EBF1: variants seen among roughly 807,000 people sequenced by gnomAD.
The protein encoded by EBF1 is EBF transcription factor 1, also known as transcription factor COE1.
In EBF1, 10 loss-of-function variants were observed where a neutral mutation model predicts 68.4. The observed-to-expected ratio is 0.15, with a 90% CI of 0.09 to 0.25. The LOEUF is 0.25. Among genes scored for constraint, EBF1 ranks in the 10% least tolerant of loss-of-function variants. The probability of loss-of-function intolerance (pLI) is 1.00; values close to 1 mark genes in which losing one functional copy is unlikely to be tolerated. For synonymous variants in EBF1, 298 were observed against 299.8 expected (o/e 0.99, Z 0.06); for missense variants, 509 against 794.4 (o/e 0.64, Z 4.32).
chr5:158,890,692 CCTG>C (rs1801001771), intron 6 of EBF1, among the ~76,000 whole-genome samples: 1 of 152,218 alleles, frequency 6.6e-6, no homozygotes. Context: ...CCCCCGCCAC[CCTG>C]CTGCTAAGCC....
At chr5:159,089,827 A>T (rs895138691) in intron 4 of EBF1, among the ~76,000 whole-genome samples, 3 of 151,882 alleles carry the variant, frequency 2.0e-5, no homozygotes, top group African/African-American at 7.2e-5. Flanking sequence ...AAAGAAAGAA[A>T]GAAGAAAAGA....
At chr5:158,815,775 C>T (rs1162272827) in intron 8 of EBF1, among the ~76,000 whole-genome samples, 1 of 152,198 alleles carries the variant, frequency 6.6e-6, no homozygotes, top group African/African-American at 2.4e-5. Flanking sequence ...TTATGAATTA[C>T]TCAGGGAATA....
At chr5:158,974,682 T>A (rs1756367273) in intron 6 of EBF1, among the ~76,000 whole-genome samples, 1 of 152,316 alleles carries the variant, frequency 6.6e-6, no homozygotes, top group East Asian at 1.9e-4. Context: ...AAATGAAAAC[T>A]ATTTACCCAA....
chr5:158,701,437 T>G (rs1282724017), intron 15 of EBF1, among the ~76,000 whole-genome samples: 2 of 152,144 alleles, frequency 1.3e-5, no homozygotes, highest in Admixed American at 6.5e-5. Context: ...AGCCTCCACT[T>G]AGGGCCACAT....
At chr5:158,787,487 T>C (rs192419808) in intron 9 of EBF1, among the ~76,000 whole-genome samples, 84 of 152,272 alleles carry the variant, frequency 5.5e-4, no homozygotes, top group Middle Eastern at 3.4e-3. Flanking sequence ...CTTTTTTGGC[T>C]TGCTTCTGGT....
intron 6 of EBF1, among the ~76,000 whole-genome samples, chr5:159,007,363 C>T (rs1478942265): frequency 6.6e-6 from 1 of 152,180 alleles, no homozygotes; most frequent in Non-Finnish European, 1.5e-5. Context: ...ATCCAATACA[C>T]TTTTAAGCCA....
intron 6 of EBF1, among the ~76,000 whole-genome samples, chr5:159,065,700 G>A (rs996826415): frequency 1.3e-5 from 2 of 151,250 alleles, no homozygotes; most frequent in African/African-American, 4.9e-5. Flanking sequence ...TGAGAATGTC[G>A]CCAAAGCCCC....
intron 6 of EBF1, among the ~76,000 whole-genome samples, chr5:159,046,678 T>A (rs1331547578): frequency 6.6e-6 from 1 of 152,178 alleles, no homozygotes; most frequent in Non-Finnish European, 1.5e-5. Flanking sequence ...TAAGATGTGA[T>A]CTCTGCCCTC....
chr5:158,803,029 A>G (rs929688968), intron 8 of EBF1, among the ~76,000 whole-genome samples: 2 of 152,164 alleles, frequency 1.3e-5, no homozygotes, highest in African/African-American at 2.4e-5. Flanking sequence ...CAGTCCCTCC[A>G]AAGTAGAATG....
intron 6 of EBF1, among the ~76,000 whole-genome samples, chr5:158,879,663 G>A (rs1798468983): frequency 6.6e-6 from 1 of 152,178 alleles, no homozygotes; most frequent in Non-Finnish European, 1.5e-5. Context: ...GTATACATAT[G>A]TAAGAAATCT....
chr5:158,931,475 CTCTCAAAGACTG>C (rs1344556407), intron 6 of EBF1, among the ~76,000 whole-genome samples: 1 of 152,212 alleles, frequency 6.6e-6, no homozygotes, highest in Non-Finnish European at 1.5e-5. Flanking sequence ...TTTTAGAACA[CTCTCAAAGACTG>C]TCTCCATCAA....
At chr5:158,703,602 CA>C (rs11301371) in intron 15 of EBF1, among the ~76,000 whole-genome samples, 75,663 of 126,340 alleles carry the variant, frequency 0.6, 21,280 homozygotes, top group East Asian at 0.88. Context: ...GTTGCTTTTT[CA>C]AAAAAAAAAA....
chr5:158,852,605 A>G (rs1329627055), intron 6 of EBF1, among the ~76,000 whole-genome samples: 3 of 152,222 alleles, frequency 2.0e-5, no homozygotes, highest in African/African-American at 7.2e-5. Context: ...CTGTGCTCCA[A>G]ATTATTCTAG....
chr5:158,878,422 T>C (rs955497774), intron 6 of EBF1, among the ~76,000 whole-genome samples: 6 of 152,144 alleles, frequency 3.9e-5, no homozygotes, highest in African/African-American at 1.2e-4. Context: ...GACTTCCACA[T>C]AACAGTAACA....
In EBF1 at chr5:158,712,627, G is replaced by A. The variant is rs565726366; in HGVS notation, c.1370-294C>T. The stretch of plus-strand genomic sequence containing the variant: ...AGAAATAAATCCCGATCTAAGAGAT[G>A]TACCCTGGAGTTAACAGGTTCCTAT... On this transcript the variant is annotated intron_variant, in intron 13 of 15. Coordinates refer to ENST00000313708, the MANE Select transcript of EBF1 (RefSeq NM_024007.5). 2.1e-4 allele frequency among the ~76,000 whole-genome samples: 32 copies of A among 152,276 alleles called. No individual in the cohort carries two copies. The East Asian group carries it at 5.0e-3, about 24-fold the overall frequency.
chr5:158,697,300 A>G lies in EBF1; in HGVS notation c.*1811T>C, dbSNP rs1755927262. The G allele has an allele frequency of 5.2e-6, 1 of 193,110 alleles. No homozygotes were observed. The allele number at this position is 193,110 out of a possible 1,614,324, so 12.0% of individuals were successfully genotyped here. On this transcript the variant is annotated 3_prime_UTR_variant, in exon 16 of 16. Transcript: ENST00000313708. ...TTTTTTTTTTTGCCATATATTGGAA[A>G]AAACTTCTTAACTTACAAATAATAC...
intron 7 of EBF1, among the ~76,000 whole-genome samples, chr5:158,834,841 A>G (rs144480326): frequency 0.011 from 1,671 of 152,346 alleles, 15 homozygotes; most frequent in Non-Finnish European, 0.016. Context: ...GCCGGCAAGC[A>G]TACAAAGTGA....
intron 11 of EBF1, among the ~76,000 whole-genome samples, chr5:158,729,224 G>A (rs1581387773): frequency 6.6e-6 from 1 of 152,316 alleles, no homozygotes; most frequent in East Asian, 1.9e-4. Flanking sequence ...GCACAGAGAG[G>A]TAAACAATTT....
chr5:158,911,401 GCTAGCTACA>G (rs1345690363), intron 6 of EBF1, among the ~76,000 whole-genome samples: 3 of 152,078 alleles, frequency 2.0e-5, no homozygotes, highest in African/African-American at 4.8e-5. Context: ...GCTGGTTACA[GCTAGCTACA>G]CTAGCTACAA....
Sources: gnomAD v4.1 joint callset for allele counts (sites outside exome capture counted in the v4.1 genomes callset) on GRCh38, gnomAD v4.1.1 for gene constraint, MANE v1.5 for transcripts, NCBI Gene and HGNC (gene_info 2026-07-23, HGNC 2026-07-21) for gene names.